The following SMPDL3A variants were observed in gnomAD, a reference collection of about 807,000 sequenced individuals.
SMPDL3A encodes the protein cyclic GMP-AMP phosphodiesterase SMPDL3A.
In SMPDL3A, 39 loss-of-function variants were observed where a neutral mutation model predicts 38.5. The observed-to-expected ratio is 1.01, with a 90% confidence interval of 0.78 to 1.32. The LOEUF (loss-of-function observed/expected upper bound fraction) is 1.32. Ranked by LOEUF, SMPDL3A falls within the 40% of genes most tolerant of loss-of-function variation. The pLI, the probability that SMPDL3A is intolerant of heterozygous loss-of-function variation, is 0.00. For missense variants in SMPDL3A, 502 were observed against 536.2 expected, an observed-to-expected ratio of 0.94 and a Z score of 0.63; for synonymous variants, 180 against 194.3, an observed-to-expected ratio of 0.93 and a Z score of 0.61.
intron 6 of SMPDL3A, among the ~76,000 whole-genome samples, chr6:122,805,903 T>C (rs533893560): frequency 3.3e-4 from 50 of 152,340 alleles, no homozygotes; most frequent in African/African-American, 1.1e-3. Flanking sequence ...TTATATTCTT[T>C]TAATTTTTTG....
At chr6:122,801,432 A>AAACACAAAC in intron 4 of SMPDL3A, 26 bp downstream of exon 4, 1 of 1,463,474 alleles carries the variant, frequency 6.8e-7, no homozygotes. Context: ...AGTTATTCCT[A>AAACACAAAC]TTTTGCCTCA....
intron 1 of SMPDL3A, 45 bp downstream of exon 1, chr6:122,789,503 G>C (rs1483172335): frequency 5.4e-6 from 8 of 1,483,762 alleles, no homozygotes; most frequent in Non-Finnish European, 6.4e-6. Context: ...CAAAGAGCGC[G>C]GAGCGGCGGC....
intron 3 of SMPDL3A, among the ~76,000 whole-genome samples, chr6:122,799,215 A>G (rs1235509178): frequency 6.6e-6 from 1 of 152,178 alleles, no homozygotes; most frequent in East Asian, 1.9e-4. Context: ...AAGGGTCCCC[A>G]TTTACTCCTA....
intron 4 of SMPDL3A, among the ~76,000 whole-genome samples, chr6:122,803,232 T>A (rs1562353252): frequency 6.6e-6 from 1 of 152,166 alleles, no homozygotes; most frequent in South Asian, 2.1e-4. Context: ...TTGTCTGACC[T>A]TTTTTTCCGA....
intron 5 of SMPDL3A, 35 bp from the exon 6 acceptor site, chr6:122,804,874 A>T: frequency 2.0e-4 from 282 of 1,389,494 alleles, no homozygotes; most frequent in Non-Finnish European, 2.7e-4. Flanking sequence ...GTGCAGAAAG[A>T]TTCTCATGAG....
At chr6:122,789,589 C>T in intron 1 of SMPDL3A, 131 bp downstream of exon 1, 2 of 894,530 alleles carry the variant, frequency 2.2e-6, no homozygotes, top group Non-Finnish European at 3.4e-6. Flanking sequence ...GCCCCTGACG[C>T]GTCCGGCGTT....
chr6:122,808,016 A>G (rs1781691156), intron 7 of SMPDL3A, among the ~76,000 whole-genome samples: 1 of 152,204 alleles, frequency 6.6e-6, no homozygotes, highest in South Asian at 2.1e-4. Flanking sequence ...GTGTGTACAT[A>G]TGTACTGATG....
intron 1 of SMPDL3A, chr6:122,789,669 G>C (rs764696733): frequency 5.2e-5 from 17 of 324,478 alleles, no homozygotes; most frequent in Non-Finnish European, 7.5e-5. Context: ...CCGGGAGGCC[G>C]GGGCTGGGCG....
intron 1 of SMPDL3A, among the ~76,000 whole-genome samples, chr6:122,795,107 T>G (rs1457301386): frequency 6.6e-6 from 1 of 152,196 alleles, no homozygotes; most frequent in East Asian, 1.9e-4. Flanking sequence ...TAAATATTCT[T>G]TGTTAGGTTA....
intron 1 of SMPDL3A, among the ~76,000 whole-genome samples, chr6:122,792,269 A>G (rs1781102425): frequency 6.6e-6 from 1 of 152,190 alleles, no homozygotes; most frequent in African/African-American, 2.4e-5. Context: ...CCCCTAATTT[A>G]TCTGTCTGGA....
chr6:122,789,263 C>A lies in SMPDL3A; in HGVS notation c.-84C>A. The A allele has an allele frequency of 1.0e-6, 1 of 960,250 alleles. No individual in the cohort carries two copies. The highest frequency in any genetic ancestry group is 2.7e-5 in the East Asian group (1 of 36,398). 59.5% of individuals were successfully genotyped at this position (960,250 alleles called of 1,614,324 possible). ...GGACGTCTACACCCGCAGCCGTCTTCTGTCTCCGCCTCACCCTCAGGCCTG... is the reference window on the plus strand; with the variant it reads ...GGACGTCTACACCCGCAGCCGTCTTATGTCTCCGCCTCACCCTCAGGCCTG... On this transcript the variant is annotated 5_prime_UTR_variant, in exon 1 of 8. The change creates a new upstream start codon in the 5' untranslated region. Transcript: ENST00000368440.
At chr6:122,807,061 T>G (rs543589625) in intron 7 of SMPDL3A, among the ~76,000 whole-genome samples, 1 of 141,432 alleles carries the variant, frequency 7.1e-6, no homozygotes, top group African/African-American at 2.6e-5. Context: ...CAGCTAATTT[T>G]TATAATCCTA....
intron 5 of SMPDL3A, among the ~76,000 whole-genome samples, chr6:122,804,314 T>C (rs1362338044): frequency 1.3e-5 from 2 of 151,246 alleles, no homozygotes; most frequent in African/African-American, 4.9e-5. Flanking sequence ...AATTTTTTTT[T>C]TTTTCAGAGA....
At chr6:122,791,491 A>G (rs934058812) in intron 1 of SMPDL3A, among the ~76,000 whole-genome samples, 1 of 152,192 alleles carries the variant, frequency 6.6e-6, no homozygotes, top group Non-Finnish European at 1.5e-5. Context: ...TCAACCATTC[A>G]TATACTGCTG....
chr6:122,790,859 T>C (rs2115156923), intron 1 of SMPDL3A, among the ~76,000 whole-genome samples: 1 of 152,278 alleles, frequency 6.6e-6, no homozygotes, highest in South Asian at 2.1e-4. Flanking sequence ...CTGGGGACTC[T>C]GTGAGTCTTC....
chr6:122,801,239 C>A, intron 3 of SMPDL3A, 71 bp from the exon 4 acceptor site: 1 of 1,045,058 alleles, frequency 9.6e-7, no homozygotes, highest in Non-Finnish European at 1.5e-6. Flanking sequence ...AGTCAGTGCT[C>A]AAGTAGTGTT....
At position 122,806,227 on chromosome 6, in the gene SMPDL3A, G is replaced by A. The variant is rs199959831; in HGVS notation, c.920-6G>A. 8.8e-5 allele frequency: 142 copies of A among 1,609,876 alleles called. No homozygotes were observed. The highest frequency in any genetic ancestry group is 1.2e-4 in the Non-Finnish European group (136 of 1,177,668). On this transcript the variant is annotated splice_region_variant and splice_polypyrimidine_tract_variant and intron_variant, in intron 6 of 7. Transcript: ENST00000368440. Reference sequence around the variant, plus strand: ...ATGTATGTTTATGTGCATACGTTTTGTTCAGGAAGTCCAGTAAATTCTTTG... The same window carrying A: ...ATGTATGTTTATGTGCATACGTTTTATTCAGGAAGTCCAGTAAATTCTTTG...
In SMPDL3A at chr6:122,801,534, T is replaced by C. The variant is rs1413388913; in HGVS notation, c.568+128T>C. 12 of 674,170 alleles carry C rather than the reference T, an allele frequency of 1.8e-5. No homozygotes were observed. In the African/African-American group the frequency reaches 2.1e-4, roughly 12 times the overall value. 41.8% of individuals were successfully genotyped at this position (674,170 alleles called of 1,614,324 possible). A position where few individuals can be genotyped will look rare whatever the true frequency, so the allele number is the denominator to read the frequency against. On this transcript the variant is annotated intron_variant, in intron 4 of 7. Coordinates refer to ENST00000368440, the MANE Select transcript of SMPDL3A (RefSeq NM_006714.5). Reference sequence around the variant, plus strand: ...AGCCCCCAGTTTTTGTGGAGGACAGTGAGTAGTAATGCTGCCTGTGACACA... The same window carrying C: ...AGCCCCCAGTTTTTGTGGAGGACAGCGAGTAGTAATGCTGCCTGTGACACA...
chr6:122,798,950 C>G (rs1011554212), intron 3 of SMPDL3A, among the ~76,000 whole-genome samples: 2 of 152,092 alleles, frequency 1.3e-5, no homozygotes, highest in African/African-American at 4.8e-5. Context: ...ATCTTTCCAC[C>G]TCACAGTTTC....
Sources: gnomAD v4.1 joint callset for allele counts (sites outside exome capture counted in the v4.1 genomes callset) on GRCh38, gnomAD v4.1.1 for gene constraint, MANE v1.5 for transcripts, NCBI Gene and HGNC (gene_info 2026-07-23, HGNC 2026-07-21) for gene names.